The following NAV2 variants were observed in gnomAD, a reference collection of about 807,000 sequenced individuals.
NAV2 encodes helicase, APC down-regulated 1.
In NAV2, 54 loss-of-function variants were observed where a neutral mutation model predicts 223.2. That is an observed-to-expected ratio of 0.24 (90% CI 0.19 to 0.30). The LOEUF is 0.30. NAV2 is among the 10% of genes least tolerant of loss of function. NAV2 has a pLI of 1.00. For missense variants in NAV2, 2,806 were observed against 3,147.5 expected, an observed-to-expected ratio of 0.89 and a Z score of 2.60; for synonymous variants, 1,279 against 1,239.3, an observed-to-expected ratio of 1.03 and a Z score of -0.67.
chr11:19,895,010 G>A (rs1048160548), intron 6 of NAV2, among the ~76,000 whole-genome samples: 7 of 151,910 alleles, frequency 4.6e-5, no homozygotes, highest in South Asian at 2.1e-4. Flanking sequence ...GATTACAGGC[G>A]TGAGCCACTG....
intron 1 of NAV2, among the ~76,000 whole-genome samples, chr11:19,585,549 C>A (rs1193069891): frequency 1.3e-5 from 2 of 152,166 alleles, no homozygotes; most frequent in Non-Finnish European, 2.9e-5. Flanking sequence ...GTGCTTCCTT[C>A]AGGAGCTCTT....
At position 20,101,003 on chromosome 11, in the gene NAV2, G is replaced by A. The variant is rs544861895; in HGVS notation, c.6248G>A (p.Arg2083His). ...ESLIPKPILQRYVSLLIEHRR... is the reference protein window; with the variant it reads ...ESLIPKPILQHYVSLLIEHRR... ...TTGATTCCCAAGCCCATCCTGCAGC[G>A]CTACGTCTCCCTCCTGATAGAGCAC... Residue 2083 changes from arginine to histidine, a missense_variant, in exon 32 of 38, where the codon CGC becomes CAC. Coordinates refer to ENST00000349880, the MANE Select transcript of NAV2 (RefSeq NM_145117.5). The A allele has an allele frequency of 6.2e-6, 10 of 1,614,088 alleles. No individual in the cohort carries two copies. The highest frequency in any genetic ancestry group is 5.0e-5 in the Admixed American group (3 of 60,024).
At chr11:20,042,766 T>C (rs943225593) in intron 12 of NAV2, among the ~76,000 whole-genome samples, 1 of 152,172 alleles carries the variant, frequency 6.6e-6, no homozygotes, top group African/African-American at 2.4e-5. Context: ...ATTGCAAATA[T>C]GGGACTGGTA....
intron 1 of NAV2, among the ~76,000 whole-genome samples, chr11:19,516,083 C>T (rs944422264): frequency 1.8e-4 from 28 of 152,156 alleles, no homozygotes; most frequent in Non-Finnish European, 3.1e-4. Context: ...GCATGTAATT[C>T]AGGAAGATGT....
At chr11:19,883,918 A>C (rs2063370248) in intron 5 of NAV2, among the ~76,000 whole-genome samples, 2 of 152,212 alleles carry the variant, frequency 1.3e-5, no homozygotes, top group African/African-American at 4.8e-5. Flanking sequence ...AAAGCACCCC[A>C]GTAGAACAAG....
At chr11:19,656,597 G>T (rs763683828) in intron 1 of NAV2, among the ~76,000 whole-genome samples, 1 of 152,164 alleles carries the variant, frequency 6.6e-6, no homozygotes, top group Admixed American at 6.5e-5. Flanking sequence ...GATCTCTCTG[G>T]TTGCTGATGG....
intron 6 of NAV2, among the ~76,000 whole-genome samples, chr11:19,901,334 G>A (rs952047442): frequency 6.6e-6 from 1 of 152,042 alleles, no homozygotes; most frequent in African/African-American, 2.4e-5. Context: ...ATTACTTGAG[G>A]TCTGGAGTTT....
chr11:19,897,726 G>C (rs1422546971), intron 6 of NAV2, among the ~76,000 whole-genome samples: 1 of 151,888 alleles, frequency 6.6e-6, no homozygotes, highest in African/African-American at 2.4e-5. Context: ...ACTGATCTCA[G>C]ATTTTGCCTG....
chr11:19,652,893 T>G (rs1256808001), intron 1 of NAV2, among the ~76,000 whole-genome samples: 1 of 152,262 alleles, frequency 6.6e-6, no homozygotes, highest in Non-Finnish European at 1.5e-5. Context: ...CATTTCATAG[T>G]TTGCATGGAC....
chr11:19,802,291 G>A (rs2058314020), intron 1 of NAV2, among the ~76,000 whole-genome samples: 1 of 152,116 alleles, frequency 6.6e-6, no homozygotes, highest in Non-Finnish European at 1.5e-5. Context: ...ATGCATCAAG[G>A]AGGGGTGGGA....
intron 3 of NAV2, among the ~76,000 whole-genome samples, chr11:19,856,071 C>CA (rs1208569947): frequency 2.0e-5 from 3 of 152,160 alleles, no homozygotes; most frequent in Non-Finnish European, 4.4e-5. Context: ...TTTTTACCTA[C>CA]AAAAATGGCA....
chr11:20,017,877 C>G (rs2054144310), intron 11 of NAV2, among the ~76,000 whole-genome samples: 1 of 152,130 alleles, frequency 6.6e-6, no homozygotes, highest in Admixed American at 6.5e-5. Flanking sequence ...TTAATGTGTC[C>G]CATACACACA....
At chr11:19,594,444 T>TA (rs1354593486) in intron 1 of NAV2, among the ~76,000 whole-genome samples, 1 of 151,374 alleles carries the variant, frequency 6.6e-6, no homozygotes, top group Admixed American at 6.6e-5. Flanking sequence ...TTTTTTTTTT[T>TA]AAAGAAGGGA....
chr11:19,836,509 A>G (rs2060245080), intron 2 of NAV2, among the ~76,000 whole-genome samples: 1 of 144,150 alleles, frequency 6.9e-6, no homozygotes. Flanking sequence ...GTGAGCCGAG[A>G]TTGCGCCACT....
chr11:19,617,232 G>A (rs989468994), intron 1 of NAV2, among the ~76,000 whole-genome samples: 4 of 152,124 alleles, frequency 2.6e-5, no homozygotes, highest in African/African-American at 9.7e-5. Flanking sequence ...CTTTGAAAAT[G>A]GTTTCTTTTA....
intron 6 of NAV2, among the ~76,000 whole-genome samples, chr11:19,904,175 T>A (rs778123746): frequency 6.6e-6 from 1 of 152,220 alleles, no homozygotes; most frequent in Non-Finnish European, 1.5e-5. Context: ...GTGGAATAAA[T>A]GATTCTCTCC....
intron 10 of NAV2, among the ~76,000 whole-genome samples, chr11:19,967,660 T>G (rs2048885995): frequency 6.6e-6 from 1 of 152,180 alleles, no homozygotes; most frequent in Admixed American, 6.5e-5. Context: ...TGCAAGGACA[T>G]GAGCCCTGTC....
At chr11:19,375,638 G>A (rs1299133802) in intron 1 of NAV2, among the ~76,000 whole-genome samples, 2 of 152,152 alleles carry the variant, frequency 1.3e-5, no homozygotes, top group Non-Finnish European at 2.9e-5. Context: ...GGATGCTGTG[G>A]CTCGGATGGA....
intron 4 of NAV2, among the ~76,000 whole-genome samples, chr11:19,876,278 G>A (rs1302874667): frequency 2.0e-5 from 3 of 152,008 alleles, no homozygotes; most frequent in South Asian, 2.1e-4. Context: ...TGCCTGCCTC[G>A]GCCTCCCAAA....
Sources: allele counts gnomAD v4.1 joint callset (sites outside exome capture counted in the v4.1 genomes callset), GRCh38; gene constraint gnomAD v4.1.1; transcripts MANE v1.5; gene names NCBI Gene and HGNC (gene_info 2026-07-23, HGNC 2026-07-21).